KBTBD11: variants seen among roughly 807,000 people sequenced by gnomAD.
The protein encoded by KBTBD11 is kelch repeat and BTB domain containing 11, also known as kelch repeat and BTB domain-containing protein 11.
For synonymous variants in KBTBD11, 747 were observed against 499.0 expected, an observed-to-expected ratio of 1.50 and a Z score of -6.63; for missense variants, 1,390 against 1,001.8, an observed-to-expected ratio of 1.39 and a Z score of -5.23.
rs77427288 is a variant in KBTBD11 at position 1,981,877 on chromosome 8, A to C, written c.-909+7942A>C. ...CCCTGGTTCTGAGGCCTCTGACAATAAACTGAGCCATGCCACTGGCTTCTC... is the reference window on the plus strand; with the variant it reads ...CCCTGGTTCTGAGGCCTCTGACAATCAACTGAGCCATGCCACTGGCTTCTC... On this transcript the variant is annotated intron_variant, in intron 1 of 1. Transcript: ENST00000320248. Among the ~76,000 whole-genome samples, 310 of 152,272 alleles carry C rather than the reference A, an allele frequency of 2.0e-3. 2 individuals carry two copies. Among genetic ancestry groups the C allele is most frequent in the African/African-American group, 6.8e-3 (283 of 41,552 alleles).
intron 1 of KBTBD11, 154 bp downstream of exon 1, chr8:1,974,089 C>CGGGGAGGGGAGGCCGGCAGGGGAGGGA (rs1816222368): frequency 5.8e-6 from 1 of 171,688 alleles, no homozygotes; most frequent in Non-Finnish European, 8.5e-6. Context: ...AGGGGAGAGG[C>CGGGGAGGGGAGGCCGGCAGGGGAGGGA]GGGGAGGGGA....
At chr8:1,977,677 G>C (rs7386187) in intron 1 of KBTBD11, among the ~76,000 whole-genome samples, 123,635 of 151,876 alleles carry the variant, frequency 0.81, 50,631 homozygotes, top group African/African-American at 0.91. Flanking sequence ...GCGCCCTCCA[G>C]CACACCCAAC....
intron 1 of KBTBD11, among the ~76,000 whole-genome samples, chr8:1,985,936 C>G (rs937272982): frequency 7.9e-5 from 12 of 152,230 alleles, no homozygotes; most frequent in African/African-American, 2.2e-4. Context: ...GTAGACACAT[C>G]GGTTTTGCAT....
chr8:1,991,758 A>G (rs1262888871), intron 1 of KBTBD11, among the ~76,000 whole-genome samples: 2 of 151,702 alleles, frequency 1.3e-5, no homozygotes, highest in African/African-American at 2.4e-5. Flanking sequence ...GAAGGTGCCC[A>G]CCGGTGAGTG....
chr8:2,002,925 A>AAGGCGAGGCCGGCGGCGACGC lies in KBTBD11; in HGVS notation c.1738_1758dup (p.Glu580_Gly586dup). The stretch of plus-strand genomic sequence containing the variant: ...ACCTGGCGCTTCCAGCCTGCCCGGG[A>AAGGCGAGGCCGGCGGCGACGC]AGGCGAGGCCGGCGGCGACGCAGGC... On this transcript the variant is annotated inframe_insertion, in exon 2 of 2. Transcript: ENST00000320248. The surrounding 1 kb of genome is among the most constrained non-coding windows in gnomAD (Gnocchi z 4.1). 4.5e-6 allele frequency: 6 copies of AAGGCGAGGCCGGCGGCGACGC among 1,322,758 alleles called. No individual in the cohort carries two copies. Among genetic ancestry groups the AAGGCGAGGCCGGCGGCGACGC allele is most frequent in the Non-Finnish European group, 5.8e-6 (6 of 1,039,626 alleles). 81.9% of individuals were successfully genotyped at this position (1,322,758 alleles called of 1,614,324 possible).
intron 1 of KBTBD11, among the ~76,000 whole-genome samples, chr8:1,992,410 C>T (rs547409919): frequency 2.0e-5 from 3 of 151,636 alleles, no homozygotes; most frequent in Non-Finnish European, 2.9e-5. Flanking sequence ...AAGGGCCAGA[C>T]GGATGCCAGG....
At chr8:1,974,741 G>C in intron 1 of KBTBD11, 1 of 982,940 alleles carries the variant, frequency 1.0e-6, no homozygotes, top group Non-Finnish European at 1.2e-6. Flanking sequence ...GCTCATTCTG[G>C]AGCATGAAAA....
rs1255550001 is a variant in KBTBD11, at chr8:2,006,211, G to C, written c.*3147G>C. 1.2e-5 allele frequency: 2 copies of C among 167,060 alleles called. No homozygotes were observed. The highest frequency in any genetic ancestry group is 4.8e-5 in the African/African-American group (2 of 41,448). The allele number at this position is 167,060 out of a possible 1,614,324, so 10.3% of individuals were successfully genotyped here. On this transcript the variant is annotated 3_prime_UTR_variant, in exon 2 of 2. Transcript: ENST00000320248. ...TTCTGGTGTCACTTCAGTAATTCTG[G>C]TAGCAGCCGTTGAATCTGTCAGTCT... is the stretch of plus-strand genomic sequence containing the variant.
chr8:1,974,839 A>G, intron 1 of KBTBD11: 1 of 325,494 alleles, frequency 3.1e-6, no homozygotes. Context: ...TTCTAAGGAA[A>G]AGAAAAGGAA....
intron 1 of KBTBD11, among the ~76,000 whole-genome samples, chr8:1,989,923 G>GTTTTTT (rs5888896): frequency 4.2e-5 from 3 of 71,712 alleles, no homozygotes; most frequent in East Asian, 4.8e-4. Flanking sequence ...GTCTCAGGTG[G>GTTTTTT]TTTTTTTTTT....
chr8:2,005,352 A>G lies in KBTBD11; in HGVS notation c.*2288A>G, dbSNP rs997129683. 6.0e-6 allele frequency: 1 copy of G among 167,142 alleles called. No individual in the cohort carries two copies. The highest frequency in any genetic ancestry group is 1.5e-5 in the Non-Finnish European group (1 of 68,130). The allele number at this position is 167,142 out of a possible 1,614,324, so 10.4% of individuals were successfully genotyped here. On this transcript the variant is annotated 3_prime_UTR_variant, in exon 2 of 2. Transcript: ENST00000320248. ...AAATTTATAGAATAGTATACACCAC[A>G]GTTCTGAATAGTGATATCACATAAA...
At chr8:1,999,949 C>A (rs919223921) in intron 1 of KBTBD11, among the ~76,000 whole-genome samples, 3 of 150,312 alleles carry the variant, frequency 2.0e-5, no homozygotes, top group African/African-American at 7.3e-5. Flanking sequence ...ATTGTTGATA[C>A]TCGACTGCTT....
rs1445940232 is a variant in KBTBD11, at chr8:2,001,383, C to T, written c.191C>T (p.Ser64Phe). 2.1e-6 allele frequency: 3 copies of T among 1,457,922 alleles called. No homozygotes were observed. The highest frequency in any genetic ancestry group is 2.7e-6 in the Non-Finnish European group (3 of 1,108,288). 90.3% of individuals were successfully genotyped at this position (1,457,922 alleles called of 1,614,324 possible). The change falls in exon 2 of 2, where the codon TCC (serine) becomes TTC (phenylalanine). Residue 64 changes from serine to phenylalanine, a missense_variant. Coordinates refer to ENST00000320248, the MANE Select transcript of KBTBD11 (RefSeq NM_014867.3). ...TCAGCGGCGGAAGGCGCGGCCACCT[C>T]CCCGCCCTCCAGCGGTGGCCCGCGG... ...LASAAEGAAT[S>F]PPSSGGPRVV...
At chr8:1,984,676 C>A (rs1816653932) in intron 1 of KBTBD11, among the ~76,000 whole-genome samples, 1 of 152,150 alleles carries the variant, frequency 6.6e-6, no homozygotes, top group African/African-American at 2.4e-5. Context: ...GTGTGATAGG[C>A]ACTCCAAACT....
chr8:1,996,303 G>T (rs1206948984), intron 1 of KBTBD11, among the ~76,000 whole-genome samples: 2 of 152,038 alleles, frequency 1.3e-5, no homozygotes, highest in Admixed American at 6.5e-5. Flanking sequence ...TTTCACTCTT[G>T]TTGCCCAGGC....
intron 1 of KBTBD11, among the ~76,000 whole-genome samples, chr8:1,997,238 G>T (rs1205026669): frequency 6.6e-6 from 1 of 152,126 alleles, no homozygotes; most frequent in Non-Finnish European, 1.5e-5. Flanking sequence ...ACCACAAAAT[G>T]GTGGCGGTGG....
At chr8:1,996,060 A>C (rs1817125003) in intron 1 of KBTBD11, among the ~76,000 whole-genome samples, 1 of 152,156 alleles carries the variant, frequency 6.6e-6, no homozygotes, top group African/African-American at 2.4e-5. Flanking sequence ...GATTCCCTAC[A>C]GGTTTCTAAG....
rs113677174 is a variant in KBTBD11, at chr8:1,993,332, G to T, written c.-908-6953G>T. ...ATTCATCCATCCATCTATCCATCCA[G>T]TCGCCCATCTTTCTGTCCATCCATC... is the stretch of plus-strand genomic sequence containing the variant. On this transcript the variant is annotated intron_variant, in intron 1 of 1. Transcript: ENST00000320248. Among the ~76,000 whole-genome samples the T allele has an allele frequency of 5.3e-4, 80 of 151,198 alleles. 1 individual carries two copies. Among genetic ancestry groups the T allele is most frequent in the Non-Finnish European group, 9.9e-4 (67 of 67,768 alleles).
chr8:1,975,474 C>G (rs569248021), intron 1 of KBTBD11, among the ~76,000 whole-genome samples: 1 of 152,204 alleles, frequency 6.6e-6, no homozygotes, highest in Non-Finnish European at 1.5e-5. Flanking sequence ...TTACAATTGC[C>G]TGCGGTATTG....
Sources: gnomAD v4.1 joint callset for allele counts (sites outside exome capture counted in the v4.1 genomes callset) on GRCh38, gnomAD v4.1.1 for gene constraint, Gnocchi (gnomAD v3.1) non-coding constraint, MANE v1.5 for transcripts, NCBI Gene and HGNC (gene_info 2026-07-23, HGNC 2026-07-21) for gene names.